Variants in TYW1B observed in about 807,000 individuals in gnomAD.
TYW1B encodes the protein S-adenosyl-L-methionine-dependent tRNA 4-demethylwyosine synthase TYW1B.
In TYW1B, 73 loss-of-function variants were observed where a neutral mutation model predicts 86.9. That is an observed-to-expected ratio of 0.84 (90% confidence interval 0.70 to 1.02). The LOEUF (loss-of-function observed/expected upper bound fraction) is 1.02. TYW1B is among the 50% of genes least tolerant of loss of function. The pLI is 0.00. For synonymous variants in TYW1B, 248 were observed against 292.8 expected, an observed-to-expected ratio of 0.85 and a Z score of 1.56; for missense variants, 637 against 827.4, an observed-to-expected ratio of 0.77 and a Z score of 2.82.
intron 7 of TYW1B, among the ~76,000 whole-genome samples, chr7:72,757,943 T>C (rs1446064383): frequency 3.9e-5 from 6 of 152,170 alleles, no homozygotes; most frequent in Non-Finnish European, 5.9e-5. Context: ...TAGCTGGGTG[T>C]AGGCCGGGCG....
intron 13 of TYW1B, among the ~76,000 whole-genome samples, chr7:72,579,365 A>C (rs1318603551): frequency 6.6e-6 from 1 of 152,232 alleles, no homozygotes; most frequent in African/African-American, 2.4e-5. Flanking sequence ...CTGATTCCCA[A>C]AGTCTAAAAA....
At chr7:72,655,149 G>C (rs1813168830) in intron 11 of TYW1B, among the ~76,000 whole-genome samples, 1 of 152,088 alleles carries the variant, frequency 6.6e-6, no homozygotes. Context: ...GAGCATCTAA[G>C]AGACAATATG....
At chr7:72,576,838 G>A (rs1264337311) in intron 13 of TYW1B, among the ~76,000 whole-genome samples, 6 of 151,442 alleles carry the variant, frequency 4.0e-5, no homozygotes, top group African/African-American at 1.5e-4. Flanking sequence ...AAAAAACTTC[G>A]ACTAATGGCC....
intron 6 of TYW1B, among the ~76,000 whole-genome samples, chr7:72,785,168 A>C (rs1788106488): frequency 6.6e-6 from 1 of 152,044 alleles, no homozygotes; most frequent in African/African-American, 2.4e-5. Flanking sequence ...TCCTAGAAGA[A>C]GTCTTAGATA....
chr7:72,632,069 G>A (rs1226959858), intron 11 of TYW1B, among the ~76,000 whole-genome samples: 1 of 151,296 alleles, frequency 6.6e-6, no homozygotes, highest in Non-Finnish European at 1.5e-5. Context: ...GGCCAAGATG[G>A]GAGGATTACT....
chr7:72,589,882 T>TAAAC lies in TYW1B; in HGVS notation c.1786-14167_1786-14164dup, dbSNP rs200883388. ...CCAGAGCGAAACTCTGTCTCAAAAA[T>TAAAC]AAACAAACAAACAAACAAACAAGTA... On this transcript the variant is annotated intron_variant, in intron 13 of 13. Transcript: ENST00000620995. 2.0e-3 allele frequency among the ~76,000 whole-genome samples: 310 copies of TAAAC among 151,966 alleles called. 5 individuals are homozygous for TAAAC. The East Asian group carries it at 0.027, about 13-fold the overall frequency.
At position 72,692,989 on chromosome 7, in the gene TYW1B, C is replaced by T. The variant is rs1814210386; in HGVS notation, c.1506+1698G>A. ...AAGCGCTGGGCACAGGAGAGAAAGG[C>T]AAGTTTTCTGGGACAGTGACTCCCA... On this transcript the variant is annotated intron_variant, in intron 11 of 13. Coordinates refer to ENST00000620995, the MANE Select transcript of TYW1B (RefSeq NM_001145440.3). Among the ~76,000 whole-genome samples the T allele has an allele frequency of 2.0e-5, 3 of 152,034 alleles. No homozygotes were observed. The South Asian group carries it at 6.2e-4, about 32-fold the overall frequency.
At chr7:72,667,048 A>AAAAAAAAG (rs60588106) in intron 11 of TYW1B, among the ~76,000 whole-genome samples, 15,451 of 126,674 alleles carry the variant, frequency 0.12, 2,427 homozygotes, top group African/African-American at 0.25. Context: ...AAAAAAAAAA[A>AAAAAAAAG]AAAGAAACTA....
chr7:72,630,552 T>A (rs1473228589), intron 11 of TYW1B, among the ~76,000 whole-genome samples: 2 of 151,064 alleles, frequency 1.3e-5, no homozygotes, highest in Admixed American at 1.3e-4. Context: ...ATGATACCAA[T>A]CTTATTACTT....
intron 7 of TYW1B, among the ~76,000 whole-genome samples, chr7:72,765,294 G>T (rs1787751742): frequency 6.6e-6 from 1 of 152,144 alleles, no homozygotes; most frequent in Non-Finnish European, 1.5e-5. Flanking sequence ...AAAAAGTTAT[G>T]TCTCTATAGA....
rs371017942 is a variant in TYW1B, at chr7:72,653,277, A to T, written c.1507-24280T>A. Among the ~76,000 whole-genome samples, 73 of 152,314 alleles carry T rather than the reference A, an allele frequency of 4.8e-4. 1 individual carries two copies. The highest frequency in any genetic ancestry group is 1.7e-3 in the African/African-American group (71 of 41,574). ...AACAAACTTCTAGCCGGGCTAATCA[A>T]GAAAAATGGAGAGAAGACACAAATT... is the stretch of plus-strand genomic sequence containing the variant. On this transcript the variant is annotated intron_variant, in intron 11 of 13. Coordinates refer to ENST00000620995, the MANE Select transcript of TYW1B (RefSeq NM_001145440.3).
chr7:72,576,013 T>C (rs1811013512), intron 13 of TYW1B, among the ~76,000 whole-genome samples: 1 of 152,212 alleles, frequency 6.6e-6, no homozygotes, highest in African/African-American at 2.4e-5. Context: ...GTTAAATGTT[T>C]CCGTGTTACC....
chr7:72,788,771 G>A (rs1232467702), intron 6 of TYW1B, among the ~76,000 whole-genome samples: 1 of 152,098 alleles, frequency 6.6e-6, no homozygotes, highest in Non-Finnish European at 1.5e-5. Context: ...GACCTCAGGT[G>A]ATCTGCCTGC....
At chr7:72,709,367 C>T (rs1436158671) in intron 10 of TYW1B, among the ~76,000 whole-genome samples, 7 of 152,196 alleles carry the variant, frequency 4.6e-5, no homozygotes, top group African/African-American at 1.7e-4. Context: ...TTCAAGGATG[C>T]TTTAAAAATC....
At chr7:72,760,812 A>G (rs1554467059) in intron 7 of TYW1B, among the ~76,000 whole-genome samples, 1 of 152,230 alleles carries the variant, frequency 6.6e-6, no homozygotes, top group African/African-American at 2.4e-5. Context: ...TTAAGACATC[A>G]GGGTTTCACA....
intron 11 of TYW1B, among the ~76,000 whole-genome samples, chr7:72,652,889 T>C (rs1813099277): frequency 6.6e-6 from 1 of 152,198 alleles, no homozygotes; most frequent in Non-Finnish European, 1.5e-5. Flanking sequence ...GGAATTTGCC[T>C]TCCAGAATTT....
intron 10 of TYW1B, among the ~76,000 whole-genome samples, chr7:72,698,847 A>G (rs1348220431): frequency 6.6e-6 from 1 of 152,188 alleles, no homozygotes; most frequent in African/African-American, 2.4e-5. Flanking sequence ...AATACGGATG[A>G]TCTGTGAAAT....
intron 6 of TYW1B, among the ~76,000 whole-genome samples, chr7:72,778,401 G>A (rs1262761076): frequency 1.3e-5 from 2 of 152,292 alleles, no homozygotes; most frequent in African/African-American, 4.8e-5. Flanking sequence ...CATCAGCTCA[G>A]AGACCAAGTT....
intron 11 of TYW1B, among the ~76,000 whole-genome samples, chr7:72,658,371 ATT>A (rs1179349873): frequency 6.6e-6 from 1 of 152,254 alleles, no homozygotes; most frequent in Non-Finnish European, 1.5e-5. Flanking sequence ...CATTAAAAAT[ATT>A]GTTACACAAA....
Sources: gnomAD v4.1 joint callset for allele counts (sites outside exome capture counted in the v4.1 genomes callset) on GRCh38, gnomAD v4.1.1 for gene constraint, MANE v1.5 for transcripts, NCBI Gene and HGNC (gene_info 2026-07-23, HGNC 2026-07-21) for gene names.